The following ZFP14 variants were observed in gnomAD, a reference collection of about 807,000 sequenced individuals.
ZFP14 encodes zinc finger protein 14 homolog.
In ZFP14, 22 loss-of-function variants were observed where a neutral mutation model predicts 54.5. That is an observed-to-expected ratio of 0.40 (90% CI 0.29 to 0.58). The LOEUF is 0.58. Ranked by LOEUF, ZFP14 falls within the 20% of genes least tolerant of loss-of-function variation. The pLI is 0.39. For missense variants in ZFP14, 470 were observed against 637.8 expected (o/e 0.74, Z 2.83); for synonymous variants, 159 against 204.0 (o/e 0.78, Z 1.88).
Position 36,340,133 on chromosome 19 carries a change from T to A in ZFP14, c.*91A>T, listed in dbSNP as rs1245593465. 6 of 1,295,914 alleles carry A rather than the reference T, an allele frequency of 4.6e-6. No homozygotes were observed. Among genetic ancestry groups the A allele is most frequent in the Middle Eastern group, 2.7e-4 (1 of 3,672 alleles). 80.3% of individuals were successfully genotyped at this position (1,295,914 alleles called of 1,614,324 possible). A position where few individuals can be genotyped will look rare whatever the true frequency, so the allele number is the denominator to read the frequency against. ...TATTCTTTCTCTAATATAAAATTTA[T>A]TATGCTTGGAATTGAGCATGAAACA... On this transcript the variant is annotated 3_prime_UTR_variant, in exon 5 of 5. Transcript: ENST00000270001. The surrounding 1 kb of genome is among the most constrained non-coding windows in gnomAD (Gnocchi z 5.4).
At chr19:36,358,613 T>C (rs887061292) in intron 4 of ZFP14, among the ~76,000 whole-genome samples, 3 of 152,198 alleles carry the variant, frequency 2.0e-5, no homozygotes, top group African/African-American at 7.2e-5. Flanking sequence ...TTATAATGTA[T>C]TTTTTAAATA....
intron 4 of ZFP14, among the ~76,000 whole-genome samples, chr19:36,349,257 CAAAAAAAAAA>C (rs1171155676): frequency 4.7e-5 from 2 of 42,230 alleles, no homozygotes; most frequent in Non-Finnish European, 8.2e-5. Flanking sequence ...AAAAAAAAAA[CAAAAAAAAAA>C]AAACAGGAAG....
At chr19:36,354,963 C>A (rs760285950) in intron 4 of ZFP14, among the ~76,000 whole-genome samples, 1 of 143,102 alleles carries the variant, frequency 7.0e-6, no homozygotes, top group Non-Finnish European at 1.6e-5. Flanking sequence ...GAAGCCACTG[C>A]GCCTGGCCCT....
intron 1 of ZFP14, among the ~76,000 whole-genome samples, chr19:36,369,110 G>A (rs1039973235): frequency 6.6e-6 from 1 of 152,162 alleles, no homozygotes; most frequent in Non-Finnish European, 1.5e-5. Context: ...CCAAAGGGCT[G>A]GGATTACAGG....
chr19:36,377,727 T>C (rs932266225), intron 1 of ZFP14, among the ~76,000 whole-genome samples: 1 of 151,768 alleles, frequency 6.6e-6, no homozygotes, highest in Non-Finnish European at 1.5e-5. Context: ...ATCCCTGTAG[T>C]TCTAGCTACT....
chr19:36,355,054 G>T (rs1477906423), intron 4 of ZFP14, among the ~76,000 whole-genome samples: 1 of 143,336 alleles, frequency 7.0e-6, no homozygotes, highest in Non-Finnish European at 1.6e-5. Context: ...CTCCTATTAA[G>T]ATGTAAGCAA....
At chr19:36,356,141 A>C (rs1270099936) in intron 4 of ZFP14, among the ~76,000 whole-genome samples, 1 of 102,712 alleles carries the variant, frequency 9.7e-6, no homozygotes, top group Non-Finnish European at 2.2e-5. Context: ...ATTCAAAACA[A>C]GAAATTAATG....
At position 36,341,453 on chromosome 19, in the gene ZFP14, A is replaced by G; in HGVS notation, c.373T>C (p.Cys125Arg). The G allele has an allele frequency of 6.2e-7, 1 of 1,614,076 alleles. No individual in the cohort carries two copies. The part of the protein sequence containing the change: ...QGSIFRNDWE[C>R]KSKIEGEKEQ... ...TTTTCCCCCTCAATCTTGCTTTTGCATTCCCAATCATTCCTAAAAATGGAA... is the reference window on the plus strand; with the variant it reads ...TTTTCCCCCTCAATCTTGCTTTTGCGTTCCCAATCATTCCTAAAAATGGAA... The change falls in exon 5 of 5, where the codon TGC (cysteine) becomes CGC (arginine). Residue 125 changes from cysteine to arginine, a missense_variant. Physicochemically the swap from Cys to Arg is radical, Grantham distance 180. Coordinates refer to ENST00000270001, the MANE Select transcript of ZFP14 (RefSeq NM_020917.3). This position sits in a 1 kb window ranked among gnomAD's most constrained non-coding sequence, Gnocchi z 4.2.
At position 36,336,228 on chromosome 19, in the gene ZFP14, T is replaced by G. The variant is rs1283635717; in HGVS notation, c.*3996A>C. 1 of 149,802 alleles carries G rather than the reference T, an allele frequency of 6.7e-6. No homozygotes were observed. The highest frequency in any genetic ancestry group is 2.5e-5 in the African/African-American group (1 of 40,426). The allele number at this position is 149,802 out of a possible 1,614,324, so 9.3% of individuals were successfully genotyped here. On this transcript the variant is annotated 3_prime_UTR_variant, in exon 5 of 5. Coordinates refer to ENST00000270001, the MANE Select transcript of ZFP14 (RefSeq NM_020917.3). The stretch of plus-strand genomic sequence containing the variant: ...CTTAATTTCTACTTTCTACTGTTAC[T>G]TGGCTGTTCCTTTTTTTTTTTTTTT...
chr19:36,343,946 T>G (rs143798638), intron 4 of ZFP14, among the ~76,000 whole-genome samples: 1,692 of 152,302 alleles, frequency 0.011, 33 homozygotes, highest in African/African-American at 0.038. Flanking sequence ...GGGATTAAGT[T>G]TCAACATGAG....
intron 1 of ZFP14, among the ~76,000 whole-genome samples, chr19:36,373,770 G>A (rs768890662): frequency 4.0e-5 from 6 of 151,516 alleles, no homozygotes; most frequent in Non-Finnish European, 7.4e-5. Context: ...AAAATTAGCC[G>A]GGCATGGTAG....
At chr19:36,357,809 C>T (rs1457649790) in intron 4 of ZFP14, among the ~76,000 whole-genome samples, 1 of 150,990 alleles carries the variant, frequency 6.6e-6, no homozygotes, top group Admixed American at 6.6e-5. Context: ...GTGGTGTGAT[C>T]TCGGCTCACT....
intron 4 of ZFP14, among the ~76,000 whole-genome samples, chr19:36,355,176 T>C (rs1418822342): frequency 7.0e-6 from 1 of 143,596 alleles, no homozygotes; most frequent in African/African-American, 2.6e-5. Flanking sequence ...AAGGAATATA[T>C]TTCTAGCCAA....
Position 36,334,504 on chromosome 19 carries a change from A to G in ZFP14, c.*5720T>C, listed in dbSNP as rs1230397071. The G allele has an allele frequency of 6.6e-6, 1 of 152,228 alleles. No homozygotes were observed. The highest frequency in any genetic ancestry group is 1.5e-5 in the Non-Finnish European group (1 of 68,044). The allele number at this position is 152,228 out of a possible 1,614,324, so 9.4% of individuals were successfully genotyped here. The stretch of plus-strand genomic sequence containing the variant: ...CCACAGAAACTCATTTATGTCCTTA[A>G]TCATTGTTTAATATAATATATAAGC... On this transcript the variant is annotated 3_prime_UTR_variant, in exon 5 of 5. Coordinates refer to ENST00000270001, the MANE Select transcript of ZFP14 (RefSeq NM_020917.3).
intron 3 of ZFP14, among the ~76,000 whole-genome samples, chr19:36,361,388 C>T (rs139231016): frequency 0.035 from 5,348 of 151,094 alleles, 139 homozygotes; most frequent in Non-Finnish European, 0.049. Flanking sequence ...TATAGGCATG[C>T]GCCACCATGC....
intron 1 of ZFP14, among the ~76,000 whole-genome samples, chr19:36,371,408 A>G (rs935237587): frequency 2.0e-5 from 3 of 152,202 alleles, no homozygotes; most frequent in Non-Finnish European, 1.5e-5. Flanking sequence ...ATCAAACATA[A>G]ATTCTGGAGC....
chr19:36,344,699 TAGG>T (rs2031382771), intron 4 of ZFP14, among the ~76,000 whole-genome samples: 1 of 152,102 alleles, frequency 6.6e-6, no homozygotes, highest in Admixed American at 6.5e-5. Flanking sequence ...TAGATTCTCA[TAGG>T]AGCGTGAACC....
At chr19:36,345,751 A>G (rs967930108) in intron 4 of ZFP14, among the ~76,000 whole-genome samples, 1 of 152,234 alleles carries the variant, frequency 6.6e-6, no homozygotes, top group Non-Finnish European at 1.5e-5. Flanking sequence ...ACTCTTTCCT[A>G]AATATAGAAC....
chr19:36,363,434 A>T (rs1451147431), intron 2 of ZFP14, among the ~76,000 whole-genome samples: 1 of 151,452 alleles, frequency 6.6e-6, no homozygotes. Flanking sequence ...TGACCTCGTG[A>T]TCCGCCCGCC....
Sources: allele counts gnomAD v4.1 joint callset (sites outside exome capture counted in the v4.1 genomes callset), GRCh38; gene constraint gnomAD v4.1.1; non-coding constraint Gnocchi (gnomAD v3.1); transcripts MANE v1.5; gene names NCBI Gene and HGNC (gene_info 2026-07-23, HGNC 2026-07-21).